FBN1: variants seen among roughly 807,000 people sequenced by gnomAD.
FBN1 encodes fibrillin-1.
A neutral mutation model predicts 365.1 loss-of-function variants in FBN1; 29 were observed. That is an observed-to-expected ratio of 0.08 (90% CI 0.06 to 0.11). The LOEUF (loss-of-function observed/expected upper bound fraction) is 0.11, where lower values mean the gene tolerates loss of function less well. Among genes scored for constraint, FBN1 ranks in the 10% least tolerant of loss-of-function variants. FBN1 has a pLI of 1.00. For synonymous variants in FBN1, 1,210 were observed against 1,270.5 expected, an observed-to-expected ratio of 0.95 and a Z score of 1.01; for missense variants, 2,476 against 3,703.2, an observed-to-expected ratio of 0.67 and a Z score of 8.60.
intron 53 of FBN1, 131 bp from the exon 54 acceptor site, chr15:48,434,844 C>T: frequency 1.8e-6 from 2 of 1,102,014 alleles, no homozygotes; most frequent in Admixed American, 2.0e-5. Context: ...GACATCCAGA[C>T]TGCAGTGCTG....
At chr15:48,449,399 T>G (rs1206182514) in intron 45 of FBN1, among the ~76,000 whole-genome samples, 1 of 152,220 alleles carries the variant, frequency 6.6e-6, no homozygotes, top group Non-Finnish European at 1.5e-5. Context: ...GTCTTATGCC[T>G]GTAACTTTTT....
In FBN1 at chr15:48,468,026, A is replaced by T; in HGVS notation, c.4659T>A (p.Ile1553=). ...AGGAAGCTTTGGAAACACCAACTCC[A>T]ATTTCATTGCTGCAGGCTGTATCTC... is the stretch of plus-strand genomic sequence containing the variant. ...DNGDTACSNE[I]GVGVSKASCC... is the part of the protein sequence containing the mutation. Residue 1553 remains isoleucine (I), a synonymous_variant, in exon 38 of 66, where the codon ATT becomes ATA. Coordinates refer to ENST00000316623, the MANE Select transcript of FBN1 (RefSeq NM_000138.5). The T allele has an allele frequency of 6.2e-7, 1 of 1,614,200 alleles. No homozygotes were observed. The highest frequency in any genetic ancestry group is 8.5e-7 in the Non-Finnish European group (1 of 1,180,014).
In FBN1 at chr15:48,475,269, C is replaced by T. The variant is rs542551954; in HGVS notation, c.3965-619G>A. Among the ~76,000 whole-genome samples the T allele has an allele frequency of 1.2e-4, 18 of 152,276 alleles. 1 individual carries two copies. In the South Asian group the frequency reaches 3.5e-3, roughly 30 times the overall value. ...TTTCCCTAGCTTCTTAGAGTCCTAG[C>T]ACATTGGAGAGCCAAGCCTTCTTGT... On this transcript the variant is annotated intron_variant, in intron 32 of 65. Coordinates refer to ENST00000316623, the MANE Select transcript of FBN1 (RefSeq NM_000138.5).
chr15:48,492,170 A>G (rs113714446), intron 24 of FBN1, among the ~76,000 whole-genome samples: 14 of 152,200 alleles, frequency 9.2e-5, no homozygotes, highest in African/African-American at 3.4e-4. Flanking sequence ...TCTTTTCTCC[A>G]CCACTCAGCT....
chr15:48,561,256 C>T (rs1402194193), intron 6 of FBN1, among the ~76,000 whole-genome samples: 1 of 152,156 alleles, frequency 6.6e-6, no homozygotes, highest in Admixed American at 6.6e-5. Flanking sequence ...ATGTTCATTA[C>T]CTTCTGCTAC....
chr15:48,426,065 C>T lies in FBN1; in HGVS notation c.7205-201G>A, dbSNP rs3752687. ...GTAAACAAATAACTTCATTAGACTA[C>T]AATTGATAAAATAATTCAGCCACAG... is the stretch of plus-strand genomic sequence containing the variant. On this transcript the variant is annotated intron_variant, in intron 58 of 65. Coordinates refer to ENST00000316623, the MANE Select transcript of FBN1 (RefSeq NM_000138.5). Among the ~76,000 whole-genome samples the T allele has an allele frequency of 0.025, 3,755 of 152,230 alleles. 81 individuals are homozygous for T. The highest frequency in any genetic ancestry group is 0.081 in the East Asian group (420 of 5,170).
At chr15:48,501,341 C>T (rs1387741863) in intron 17 of FBN1, among the ~76,000 whole-genome samples, 3 of 152,138 alleles carry the variant, frequency 2.0e-5, no homozygotes, top group African/African-American at 4.8e-5. Flanking sequence ...CACATTCAGT[C>T]CTCTCTAGCT....
In FBN1 at chr15:48,490,606, C is replaced by G. The variant is rs76970047; in HGVS notation, c.2855-528G>C. Among the ~76,000 whole-genome samples the G allele has an allele frequency of 4.1e-3, 629 of 152,304 alleles. 3 individuals are homozygous for G. Among genetic ancestry groups the G allele is most frequent in the African/African-American group, 0.015 (606 of 41,568 alleles). Reference sequence around the variant, plus strand: ...TAAAGAGAAAAATGCAAAGAAAAGCCATTCACTTTACTTCTCAAATATTTC... The same window carrying G: ...TAAAGAGAAAAATGCAAAGAAAAGCGATTCACTTTACTTCTCAAATATTTC... On this transcript the variant is annotated intron_variant, in intron 24 of 65. Coordinates refer to ENST00000316623, the MANE Select transcript of FBN1 (RefSeq NM_000138.5).
At chr15:48,536,330 G>A (rs1476630342) in intron 7 of FBN1, among the ~76,000 whole-genome samples, 1 of 152,128 alleles carries the variant, frequency 6.6e-6, no homozygotes. Context: ...CTAAAGAGAA[G>A]GCAGTTCATT....
chr15:48,449,832 C>T (rs2043187140), intron 45 of FBN1, among the ~76,000 whole-genome samples: 2 of 152,144 alleles, frequency 1.3e-5, no homozygotes, highest in Non-Finnish European at 2.9e-5. Flanking sequence ...TTGCCGTTTG[C>T]CTGCAATGTC....
intron 4 of FBN1, among the ~76,000 whole-genome samples, chr15:48,601,053 G>C (rs921022223): frequency 6.6e-6 from 1 of 152,192 alleles, no homozygotes; most frequent in African/African-American, 2.4e-5. Flanking sequence ...AGCTGGATTT[G>C]CCTGAGAAAG....
intron 7 of FBN1, among the ~76,000 whole-genome samples, chr15:48,535,233 T>G (rs1447503232): frequency 1.3e-5 from 2 of 152,182 alleles, no homozygotes; most frequent in Non-Finnish European, 2.9e-5. Context: ...TCCCTGTTTA[T>G]TTTTTTCCAC....
chr15:48,523,688 G>A (rs1358456485), intron 9 of FBN1, among the ~76,000 whole-genome samples: 1 of 142,062 alleles, frequency 7.0e-6, no homozygotes, highest in African/African-American at 2.7e-5. Context: ...TCGTTAGGCA[G>A]CAGTGCCACA....
At chr15:48,498,354 C>T (rs369015255) in intron 18 of FBN1, among the ~76,000 whole-genome samples, 20 of 152,250 alleles carry the variant, frequency 1.3e-4, no homozygotes, top group African/African-American at 4.8e-4. Context: ...TCAGCCAGTC[C>T]ATGTTCTTTC....
intron 45 of FBN1, among the ~76,000 whole-genome samples, chr15:48,449,989 C>G (rs947526403): frequency 6.6e-6 from 1 of 152,106 alleles, no homozygotes; most frequent in African/African-American, 2.4e-5. Flanking sequence ...AATCATCATA[C>G]CATTTAGAAG....
chr15:48,601,698 A>G (rs892567016), intron 4 of FBN1, among the ~76,000 whole-genome samples: 3 of 152,140 alleles, frequency 2.0e-5, no homozygotes, highest in Non-Finnish European at 4.4e-5. Flanking sequence ...GAAAGGGACA[A>G]TTTTTATAAG....
rs1242918540 is a variant in FBN1 at position 48,428,375 on chromosome 15, G to A, written c.6968C>T (p.Thr2323Ile). The change falls in exon 57 of 66, where the codon ACC becomes ATC. Residue 2323 changes from threonine to isoleucine, a missense_variant. Around this residue, in one of 5 missense-constraint regions of FBN1, gnomAD observed 1,780 missense variants for 2,840.8 expected, o/e 0.63. Coordinates refer to ENST00000316623, the MANE Select transcript of FBN1 (RefSeq NM_000138.5). ...SYTCECNDGF[T>I]ASPNQDECLD... Reference sequence around the variant, plus strand: ...GCACTCGTCCTGGTTGGGGCTGGCGGTAAACCCATCATTACACTCACAGGT... The same window carrying A: ...GCACTCGTCCTGGTTGGGGCTGGCGATAAACCCATCATTACACTCACAGGT... 2 of 1,614,096 alleles carry A rather than the reference G, an allele frequency of 1.2e-6. No individual in the cohort carries two copies. Among genetic ancestry groups the A allele is most frequent in the African/African-American group, 2.7e-5 (2 of 75,038 alleles).
intron 6 of FBN1, among the ~76,000 whole-genome samples, chr15:48,573,052 C>T (rs2040634287): frequency 1.3e-5 from 2 of 152,056 alleles, no homozygotes; most frequent in South Asian, 2.1e-4. Flanking sequence ...GATGAGCCAG[C>T]GAGGTGGGAA....
intron 2 of FBN1, among the ~76,000 whole-genome samples, chr15:48,622,993 G>A (rs964471459): frequency 1.3e-5 from 2 of 152,080 alleles, no homozygotes; most frequent in Non-Finnish European, 2.9e-5. Context: ...AGGCTATACT[G>A]TAGTTATATA....
Sources: gnomAD v4.1 joint callset for allele counts (sites outside exome capture counted in the v4.1 genomes callset) on GRCh38, gnomAD v4.1.1 for gene constraint, gnomAD v4.1.1 regional missense constraint, MANE v1.5 for transcripts, NCBI Gene and HGNC (gene_info 2026-07-23, HGNC 2026-07-21) for gene names.